Variants in RYK observed in about 807,000 individuals in gnomAD.
RYK encodes receptor like tyrosine kinase.
A neutral mutation model predicts 70.2 loss-of-function variants in RYK; 21 were observed. The ratio of observed to expected loss-of-function variants is 0.30; its 90% confidence interval spans 0.21 to 0.43. The LOEUF (loss-of-function observed/expected upper bound fraction) is 0.43, where lower values mean the gene tolerates loss of function less well. Ranked by LOEUF, RYK falls within the 20% of genes least tolerant of loss-of-function variation. RYK has a pLI of 1.00. For missense variants in RYK, 604 were observed against 753.3 expected, an observed-to-expected ratio of 0.80 and a Z score of 2.32; for synonymous variants, 267 against 278.0, an observed-to-expected ratio of 0.96 and a Z score of 0.39.
At chr3:134,190,890 A>G (rs1033315838) in intron 8 of RYK, among the ~76,000 whole-genome samples, 2 of 152,196 alleles carry the variant, frequency 1.3e-5, no homozygotes. Flanking sequence ...TTCAGATTGC[A>G]AAAAGATCTG....
At chr3:134,229,890 G>A (rs1031818425) in intron 1 of RYK, among the ~76,000 whole-genome samples, 1 of 152,114 alleles carries the variant, frequency 6.6e-6, no homozygotes, top group African/African-American at 2.4e-5. Flanking sequence ...AACATTGAAC[G>A]TTGGCAAGGA....
Position 134,202,723 on chromosome 3 carries a change from A to T in RYK, c.788+7T>A. ...ATTTTTTTTCTTTCCCAAAATATGT[A>T]CAATACCTGTCATCCAGTTCAATCC... On this transcript the variant is annotated splice_region_variant and intron_variant, in intron 6 of 14. Coordinates refer to ENST00000623711, the MANE Select transcript of RYK (RefSeq NM_002958.4). 6.2e-7 allele frequency: 1 copy of T among 1,610,924 alleles called. No individual in the cohort carries two copies. Among genetic ancestry groups the T allele is most frequent in the Non-Finnish European group, 8.5e-7 (1 of 1,179,316 alleles).
chr3:134,242,404 A>G (rs1473102260), intron 1 of RYK, among the ~76,000 whole-genome samples: 1 of 152,212 alleles, frequency 6.6e-6, no homozygotes, highest in Non-Finnish European at 1.5e-5. Context: ...TTTATTATGT[A>G]ACTGAGCAAT....
chr3:134,218,289 TG>T (rs2107683253), intron 2 of RYK, among the ~76,000 whole-genome samples: 1 of 152,344 alleles, frequency 6.6e-6, no homozygotes, highest in East Asian at 1.9e-4. Flanking sequence ...AGCTGGGCCC[TG>T]TGGCTTCTAC....
intron 13 of RYK, among the ~76,000 whole-genome samples, chr3:134,166,794 C>T (rs2012690147): frequency 6.6e-6 from 1 of 152,212 alleles, no homozygotes; most frequent in Non-Finnish European, 1.5e-5. Flanking sequence ...CCCAGGCCAA[C>T]TACTTGATCA....
intron 13 of RYK, among the ~76,000 whole-genome samples, chr3:134,168,628 G>A (rs970829566): frequency 6.8e-6 from 1 of 147,858 alleles, no homozygotes; most frequent in Non-Finnish European, 1.5e-5. Context: ...CGTAGGGTAG[G>A]GGGATGGGGG....
chr3:134,188,152 T>TAC (rs2013528499), intron 9 of RYK, among the ~76,000 whole-genome samples: 1 of 85,904 alleles, frequency 1.2e-5, no homozygotes, highest in Non-Finnish European at 2.1e-5. Context: ...AATCTAACAA[T>TAC]ATATATATAT....
intron 13 of RYK, among the ~76,000 whole-genome samples, chr3:134,168,041 C>CAG (rs1187902243): frequency 6.6e-6 from 1 of 152,178 alleles, no homozygotes; most frequent in Non-Finnish European, 1.5e-5. Flanking sequence ...CACTGGCCAT[C>CAG]AGAGAAATGC....
intron 10 of RYK, chr3:134,180,857 C>T (rs929014976): frequency 2.0e-5 from 3 of 152,206 alleles, no homozygotes; most frequent in African/African-American, 7.2e-5. Flanking sequence ...CTTTACAAGA[C>T]TTTCCTCAAG....
chr3:134,235,395 C>A (rs2015176485), intron 1 of RYK, among the ~76,000 whole-genome samples: 1 of 151,802 alleles, frequency 6.6e-6, no homozygotes, highest in Admixed American at 6.6e-5. Flanking sequence ...CAGTCTATAT[C>A]TTTTCTTGTA....
rs769251135 is a variant in RYK at position 134,202,827 on chromosome 3, T to C, written c.691A>G (p.Ile231Val). 1.9e-6 allele frequency: 3 copies of C among 1,613,742 alleles called. No homozygotes were observed. The highest frequency in any genetic ancestry group is 1.7e-5 in the Admixed American group (1 of 60,012). ...APTTSTRVFY[I>V]SVGVCCAVIF... ...ACTGCACAACAAACCCCTACACTAA[T>C]ATAAAACACACGCGTAGAAGTGGTT... Residue 231 changes from isoleucine to valine, a missense_variant, in exon 6 of 15, where the codon ATT becomes GTT. Coordinates refer to ENST00000623711, the MANE Select transcript of RYK (RefSeq NM_002958.4).
chr3:134,164,774 A>G (rs1464654749), intron 13 of RYK, among the ~76,000 whole-genome samples: 2 of 152,270 alleles, frequency 1.3e-5, no homozygotes, highest in Non-Finnish European at 2.9e-5. Flanking sequence ...TGAATATGGT[A>G]CATACATATT....
intron 1 of RYK, among the ~76,000 whole-genome samples, chr3:134,225,491 C>T (rs970114957): frequency 4.6e-5 from 7 of 150,948 alleles, no homozygotes; most frequent in South Asian, 2.1e-4. Flanking sequence ...CAAAAACCAA[C>T]GGACAAAAAG....
At chr3:134,246,335 CACACACACAGAG>C (rs2015465451) in intron 1 of RYK, among the ~76,000 whole-genome samples, 1 of 143,692 alleles carries the variant, frequency 7.0e-6, no homozygotes, top group African/African-American at 2.6e-5. Flanking sequence ...CACACACACA[CACACACACAGAG>C]AGAGAGAAAA....
intron 2 of RYK, among the ~76,000 whole-genome samples, chr3:134,218,884 T>C (rs1245882099): frequency 1.3e-5 from 2 of 152,048 alleles, no homozygotes; most frequent in African/African-American, 2.4e-5. Flanking sequence ...AAATTTAAGA[T>C]GTAATTATTA....
intron 2 of RYK, among the ~76,000 whole-genome samples, chr3:134,221,721 T>C (rs2014744623): frequency 6.6e-6 from 1 of 152,210 alleles, no homozygotes; most frequent in African/African-American, 2.4e-5. Flanking sequence ...ACTATTTTTA[T>C]TTCCTGAATA....
intron 1 of RYK, among the ~76,000 whole-genome samples, chr3:134,247,867 T>C (rs902635202): frequency 6.6e-6 from 1 of 152,222 alleles, no homozygotes; most frequent in Non-Finnish European, 1.5e-5. Flanking sequence ...GTCTTAAAAA[T>C]ATTATAAAAT....
chr3:134,247,280 T>C (rs752516223), intron 1 of RYK, among the ~76,000 whole-genome samples: 1 of 152,172 alleles, frequency 6.6e-6, no homozygotes, highest in Non-Finnish European at 1.5e-5. Context: ...TTATTCTACA[T>C]TGATTTAGAA....
chr3:134,225,983 A>G (rs2014898070), intron 1 of RYK, among the ~76,000 whole-genome samples: 1 of 152,228 alleles, frequency 6.6e-6, no homozygotes. Flanking sequence ...ATTAGACCAC[A>G]TGCATTTAAA....
Sources: allele counts gnomAD v4.1 joint callset (sites outside exome capture counted in the v4.1 genomes callset), GRCh38; gene constraint gnomAD v4.1.1; transcripts MANE v1.5; gene names NCBI Gene and HGNC (gene_info 2026-07-23, HGNC 2026-07-21).